The following ARHGEF3 variants were observed in gnomAD, a reference collection of about 807,000 sequenced individuals.
ARHGEF3 encodes the protein 59.8 kDA protein.
In ARHGEF3, 28 loss-of-function variants were observed where a neutral mutation model predicts 63.2. That is an observed-to-expected ratio of 0.44 (90% CI 0.33 to 0.61). The LOEUF is 0.61. Among genes scored for constraint, ARHGEF3 ranks in the 20% least tolerant of loss-of-function variants. The probability of loss-of-function intolerance (pLI) is 0.03; values close to 1 mark genes in which losing one functional copy is unlikely to be tolerated. For missense variants in ARHGEF3, 533 were observed against 659.3 expected (o/e 0.81, Z 2.10); for synonymous variants, 266 against 254.2 (o/e 1.05, Z -0.44).
intron 4 of ARHGEF3, among the ~76,000 whole-genome samples, chr3:56,845,784 A>G (rs2039468634): frequency 1.3e-5 from 2 of 152,228 alleles, no homozygotes; most frequent in African/African-American, 4.8e-5. Context: ...ACTCAAAGCC[A>G]AACCCTGTAG....
chr3:56,866,420 C>T (rs1175049251), intron 4 of ARHGEF3, among the ~76,000 whole-genome samples: 1 of 152,162 alleles, frequency 6.6e-6, no homozygotes, highest in Non-Finnish European at 1.5e-5. Flanking sequence ...GCGTCATGTT[C>T]CTAGGGGAGG....
intron 9 of ARHGEF3, among the ~76,000 whole-genome samples, chr3:56,729,853 CAGG>C (rs754092975): frequency 0.19 from 28,972 of 152,034 alleles, 2,973 homozygotes; most frequent in South Asian, 0.39. Context: ...CAGAAACCCG[CAGG>C]TGGAGATCAT....
intron 4 of ARHGEF3, among the ~76,000 whole-genome samples, chr3:56,863,631 C>T (rs1436076399): frequency 6.6e-6 from 1 of 151,352 alleles, no homozygotes; most frequent in African/African-American, 2.4e-5. Context: ...GACAGGGTTT[C>T]ACCATGTTGG....
In ARHGEF3 at chr3:56,891,332, A is replaced by T. The variant is rs995254555; in HGVS notation, c.130-8978T>A. 2.0e-5 allele frequency among the ~76,000 whole-genome samples: 3 copies of T among 147,054 alleles called. No individual in the cohort carries two copies. In the South Asian group the frequency reaches 6.5e-4, roughly 32 times the overall value. ...CGTGCCTGGCCCCTACTCCATTTTT[A>T]GTACACTGCTTTTTTTTTTTTTTTC... is the stretch of plus-strand genomic sequence containing the variant. On this transcript the variant is annotated intron_variant, in intron 3 of 12. Coordinates refer to the ARHGEF3 transcript ENST00000338458.
chr3:56,863,769 G>C (rs1281290239), intron 4 of ARHGEF3, among the ~76,000 whole-genome samples: 1 of 152,084 alleles, frequency 6.6e-6, no homozygotes, highest in African/African-American at 2.4e-5. Context: ...CTGAAAAACC[G>C]ATAGCACTCA....
chr3:56,886,642 C>A (rs142959291), intron 3 of ARHGEF3, among the ~76,000 whole-genome samples: 7 of 152,294 alleles, frequency 4.6e-5, no homozygotes, highest in East Asian at 1.9e-4. Flanking sequence ...GCTACTACTA[C>A]TAATAATTCA....
chr3:57,067,260 G>A (rs1347097437), intron 1 of ARHGEF3, among the ~76,000 whole-genome samples: 1 of 151,538 alleles, frequency 6.6e-6, no homozygotes, highest in African/African-American at 2.4e-5. Context: ...GACTATCCTG[G>A]CTAACACGGT....
intron 1 of ARHGEF3, among the ~76,000 whole-genome samples, chr3:57,051,416 G>A (rs764642806): frequency 1.3e-5 from 2 of 152,014 alleles, no homozygotes; most frequent in South Asian, 2.1e-4. Context: ...GAACCCGTGA[G>A]GCGGAGTTTG....
intron 3 of ARHGEF3, among the ~76,000 whole-genome samples, chr3:56,931,712 A>AT (rs1337937797): frequency 6.6e-6 from 1 of 151,150 alleles, no homozygotes; most frequent in East Asian, 2.0e-4. Context: ...TTTTTCTCTG[A>AT]TTTTTCCAAA....
chr3:57,030,132 A>C (rs1399970300), intron 2 of ARHGEF3, among the ~76,000 whole-genome samples: 1 of 152,226 alleles, frequency 6.6e-6, no homozygotes, highest in East Asian at 1.9e-4. Context: ...GCGCTGGGGC[A>C]AATTGCAATT....
chr3:56,890,643 A>G (rs565265080), intron 3 of ARHGEF3, among the ~76,000 whole-genome samples: 1 of 152,248 alleles, frequency 6.6e-6, no homozygotes, highest in South Asian at 2.1e-4. Context: ...ACTATCCACA[A>G]ACACTCTCAG....
intron 4 of ARHGEF3, among the ~76,000 whole-genome samples, chr3:56,812,964 A>T (rs1415660349): frequency 2.0e-5 from 3 of 152,198 alleles, no homozygotes; most frequent in Non-Finnish European, 4.4e-5. Context: ...GGTAAGAGAG[A>T]ATTAAAATTG....
At chr3:57,070,439 A>T (rs1705823432) in intron 1 of ARHGEF3, among the ~76,000 whole-genome samples, 1 of 152,244 alleles carries the variant, frequency 6.6e-6, no homozygotes, top group African/African-American at 2.4e-5. Flanking sequence ...GATGGGTCTC[A>T]GAGTGCCTAC....
chr3:56,775,172 C>G (rs1176406176), intron 1 of ARHGEF3: 1 of 1,522,186 alleles, frequency 6.6e-7, no homozygotes, highest in Non-Finnish European at 8.8e-7. Flanking sequence ...TTCAAAGTTT[C>G]GAGGGTTAAG....
At chr3:56,878,718 C>T (rs2040673371) in intron 4 of ARHGEF3, among the ~76,000 whole-genome samples, 2 of 152,142 alleles carry the variant, frequency 1.3e-5, no homozygotes, top group Non-Finnish European at 2.9e-5. Flanking sequence ...TGATGCATCC[C>T]CCCAAACAAT....
intron 2 of ARHGEF3, among the ~76,000 whole-genome samples, chr3:56,765,355 C>G (rs2107807905): frequency 6.6e-6 from 1 of 152,172 alleles, no homozygotes; most frequent in East Asian, 1.9e-4. Context: ...AACTAAGAAC[C>G]CATGATTATA....
chr3:56,967,306 TTA>T (rs1491247082), intron 2 of ARHGEF3, among the ~76,000 whole-genome samples: 1 of 68,088 alleles, frequency 1.5e-5, no homozygotes, highest in Non-Finnish European at 3.0e-5. Flanking sequence ...AAATTATATA[TTA>T]TATATTATAT....
intron 1 of ARHGEF3, among the ~76,000 whole-genome samples, chr3:56,782,671 G>GATTGT (rs2036616474): frequency 1.3e-5 from 2 of 149,498 alleles, no homozygotes; most frequent in South Asian, 2.1e-4. Flanking sequence ...AAAAGCTGGG[G>GATTGT]TTTGTTTTGT....
intron 2 of ARHGEF3, among the ~76,000 whole-genome samples, chr3:57,010,037 C>T (rs527539188): frequency 6.6e-6 from 1 of 152,290 alleles, no homozygotes; most frequent in Admixed American, 6.5e-5. Flanking sequence ...GCCTTCTGAG[C>T]CCGGGCTTCT....
Sources: allele counts gnomAD v4.1 joint callset (sites outside exome capture counted in the v4.1 genomes callset), GRCh38; gene constraint gnomAD v4.1.1; transcripts MANE v1.5; gene names NCBI Gene and HGNC (gene_info 2026-07-23, HGNC 2026-07-21).